Variants in ATXN7L1 observed in about 807,000 individuals in gnomAD.
ATXN7L1 encodes ataxin-7-like protein 1.
A neutral mutation model predicts 70.8 loss-of-function variants in ATXN7L1; 15 were observed. That is an observed-to-expected ratio of 0.21 (90% CI 0.14 to 0.33). ATXN7L1 has a LOEUF of 0.33. ATXN7L1 is among the 10% of genes least tolerant of loss of function. The pLI is 1.00. For synonymous variants in ATXN7L1, 440 were observed against 445.1 expected (o/e 0.99, Z 0.14); for missense variants, 975 against 1,097.1 (o/e 0.89, Z 1.57).
rs867168492 is a variant in ATXN7L1 at position 105,605,745 on chromosome 7, G to A, written c.*2107C>T. On this transcript the variant is annotated 3_prime_UTR_variant, in exon 12 of 12. Transcript: ENST00000419735. The stretch of plus-strand genomic sequence containing the variant: ...TAAAAAACAACAGACCTCTGAAACC[G>A]AACAAGACAAAATTGTGCAAAAATA... 3.2e-4 allele frequency: 48 copies of A among 152,020 alleles called. No individual in the cohort carries two copies. Among genetic ancestry groups the A allele is most frequent in the African/African-American group, 1.1e-3 (45 of 41,394 alleles). The allele number at this position is 152,020 out of a possible 1,614,324, so 9.4% of individuals were successfully genotyped here. A position where few individuals can be genotyped will look rare whatever the true frequency, so the allele number is the denominator to read the frequency against.
chr7:105,733,677 TCCAC>T lies in ATXN7L1; in HGVS notation c.355+54923_355+54926del, dbSNP rs1563049249. Among the ~76,000 whole-genome samples, 249 of 74,292 alleles carry T rather than the reference TCCAC, an allele frequency of 3.4e-3. 1 individual carries two copies. Among genetic ancestry groups the T allele is most frequent in the Non-Finnish European group, 4.9e-3 (182 of 37,352 alleles). 48.7% of individuals were successfully genotyped at this position (74,292 alleles called of 152,430 possible). ...ATCCATCCATCCATCCATCCATCCA[TCCAC>T]CCATCCACCCATCCATCCATTCATC... is the stretch of plus-strand genomic sequence containing the variant. On this transcript the variant is annotated intron_variant, in intron 3 of 11. Transcript: ENST00000419735.
intron 5 of ATXN7L1, among the ~76,000 whole-genome samples, chr7:105,642,030 AGGGAGTGCCCATGATGTAAGAAGAAGT>A (rs1798334161): frequency 6.6e-6 from 1 of 152,220 alleles, no homozygotes; most frequent in Non-Finnish European, 1.5e-5. Flanking sequence ...GGCCACCATC[AGGGAGTGCCCATGATGTAAGAAGAAGT>A]TATGAAGTTT....
chr7:105,694,817 A>G (rs1277777609), intron 3 of ATXN7L1, among the ~76,000 whole-genome samples: 1 of 152,174 alleles, frequency 6.6e-6, no homozygotes, highest in Non-Finnish European at 1.5e-5. Context: ...CAGAGAAAAC[A>G]ATGATAAAAC....
intron 7 of ATXN7L1, among the ~76,000 whole-genome samples, chr7:105,628,833 AAAT>A (rs1377281971): frequency 1.4e-5 from 2 of 141,630 alleles, no homozygotes; most frequent in African/African-American, 5.4e-5. Flanking sequence ...ATAAATAAAT[AAAT>A]AAAATTGTGT....
intron 2 of ATXN7L1, among the ~76,000 whole-genome samples, chr7:105,816,870 CAG>C (rs949290690): frequency 6.6e-5 from 10 of 152,202 alleles, no homozygotes; most frequent in African/African-American, 2.4e-4. Flanking sequence ...ATTTAGAAAA[CAG>C]GGGGAAACAG....
rs1802429002 is a variant in ATXN7L1 at position 105,665,174 on chromosome 7, G to T, written c.470C>A (p.Ser157Tyr). The T allele has an allele frequency of 6.4e-7, 1 of 1,551,726 alleles. No individual in the cohort carries two copies. Among genetic ancestry groups the T allele is most frequent in the African/African-American group, 1.4e-5 (1 of 73,170 alleles). Residue 157 changes from serine (S) to tyrosine (Y), a missense_variant, in exon 4 of 12, where the codon TCT becomes TAT. Ser to Tyr is a moderately radical substitution (Grantham distance 144). Coordinates refer to ENST00000419735, the MANE Select transcript of ATXN7L1 (RefSeq NM_020725.2). ...GAATGGCTTTGAGGTGCTGCTGGCA[G>T]AGTGATGGCCGCTGAGACAGGCTTT... ...KTKACLSGHH[S>Y]ASSTSKPFKT...
Position 105,638,474 on chromosome 7 carries a change from T to A in ATXN7L1, c.1081A>T (p.Ile361Leu). Residue 361 changes from isoleucine (I) to leucine (L), a missense_variant, in exon 7 of 12, where the codon ATA (isoleucine) becomes TTA (leucine). Physicochemically the swap from Ile to Leu is conservative, Grantham distance 5. This residue lies in a region of ATXN7L1 where 635 missense variants were observed against 699.4 expected (regional missense o/e 0.91). Coordinates refer to ENST00000419735, the MANE Select transcript of ATXN7L1 (RefSeq NM_020725.2). ...GCCGGCCCGGATTGGCTTGGAAGTA[T>A]TTCCCTCGTGGAAGTCAGGAGATGC... ...KEHLLTSTRE[I>L]LPSQSGPAQD... 1 of 1,552,324 alleles carries A rather than the reference T, an allele frequency of 6.4e-7. No individual in the cohort carries two copies. The highest frequency in any genetic ancestry group is 8.7e-7 in the Non-Finnish European group (1 of 1,147,130).
intron 9 of ATXN7L1, among the ~76,000 whole-genome samples, chr7:105,615,022 T>C (rs1395790676): frequency 6.6e-6 from 1 of 152,036 alleles, no homozygotes; most frequent in Non-Finnish European, 1.5e-5. Flanking sequence ...AACCTAATTT[T>C]CATCACGCAC....
intron 3 of ATXN7L1, among the ~76,000 whole-genome samples, chr7:105,712,825 A>C (rs576007367): frequency 2.6e-4 from 39 of 151,998 alleles, no homozygotes; most frequent in Middle Eastern, 3.4e-3. Context: ...AACTGTTCCA[A>C]CCTCTGCCTG....
intron 3 of ATXN7L1, among the ~76,000 whole-genome samples, chr7:105,690,751 C>T (rs553382676): frequency 3.3e-4 from 50 of 152,242 alleles, no homozygotes; most frequent in African/African-American, 1.2e-3. Context: ...GCTCAAGGTA[C>T]GATATCAAGG....
intron 2 of ATXN7L1, among the ~76,000 whole-genome samples, chr7:105,806,361 C>T (rs1158171505): frequency 6.6e-6 from 1 of 152,116 alleles, no homozygotes; most frequent in Non-Finnish European, 1.5e-5. Context: ...GTCCACTCAC[C>T]ATGCGGGCAC....
At chr7:105,627,588 G>A (rs897033198) in intron 7 of ATXN7L1, among the ~76,000 whole-genome samples, 3 of 150,360 alleles carry the variant, frequency 2.0e-5, no homozygotes, top group African/African-American at 4.9e-5. Context: ...CTGGAGTGCA[G>A]TGGTGCGACC....
At chr7:105,867,809 C>T (rs182520624) in intron 2 of ATXN7L1, among the ~76,000 whole-genome samples, 111 of 152,320 alleles carry the variant, frequency 7.3e-4, no homozygotes, top group Non-Finnish European at 5.3e-4. Context: ...AGCGATTTGT[C>T]CCCCTGGGAC....
At chr7:105,845,240 A>T (rs1813838184) in intron 2 of ATXN7L1, among the ~76,000 whole-genome samples, 1 of 144,526 alleles carries the variant, frequency 6.9e-6, no homozygotes. Flanking sequence ...AAATCAGTTC[A>T]GTTGTATTTC....
intron 7 of ATXN7L1, among the ~76,000 whole-genome samples, chr7:105,637,018 C>A (rs1172785032): frequency 1.3e-5 from 2 of 152,178 alleles, no homozygotes. Context: ...TAACCAACAC[C>A]CCACATGACA....
At chr7:105,756,003 T>C (rs527301158) in intron 3 of ATXN7L1, among the ~76,000 whole-genome samples, 24 of 152,302 alleles carry the variant, frequency 1.6e-4, no homozygotes, top group Middle Eastern at 3.4e-3. Flanking sequence ...ACAGTCTTTG[T>C]GTCCTTGTGT....
chr7:105,751,752 C>A (rs1269985257), intron 3 of ATXN7L1, among the ~76,000 whole-genome samples: 1 of 152,206 alleles, frequency 6.6e-6, no homozygotes, highest in Non-Finnish European at 1.5e-5. Flanking sequence ...TCCCATTTAC[C>A]ACTAGACTTG....
intron 2 of ATXN7L1, among the ~76,000 whole-genome samples, chr7:105,866,235 CGG>C (rs1817454185): frequency 6.6e-6 from 1 of 152,152 alleles, no homozygotes; most frequent in Non-Finnish European, 1.5e-5. Flanking sequence ...TCAGGTACAC[CGG>C]TAAGTGCTTC....
At chr7:105,759,118 T>C (rs775388944) in intron 3 of ATXN7L1, among the ~76,000 whole-genome samples, 4 of 150,572 alleles carry the variant, frequency 2.7e-5, no homozygotes, top group Non-Finnish European at 4.4e-5. Context: ...TACTAAATTA[T>C]ATAAAAATAT....
Sources: allele counts gnomAD v4.1 joint callset (sites outside exome capture counted in the v4.1 genomes callset), GRCh38; gene constraint gnomAD v4.1.1; regional missense constraint gnomAD v4.1.1; transcripts MANE v1.5; gene names NCBI Gene and HGNC (gene_info 2026-07-23, HGNC 2026-07-21).